The following DNAH11 variants were observed in gnomAD, a reference collection of about 807,000 sequenced individuals.
DNAH11 encodes dynein axonemal heavy chain 11.
Under a neutral mutation model 526.0 loss-of-function variants are expected in DNAH11, and 442 were observed. The ratio of observed to expected loss-of-function variants is 0.84; its 90% CI spans 0.78 to 0.91. The LOEUF (loss-of-function observed/expected upper bound fraction) is 0.91, where lower values mean the gene tolerates loss of function less well. DNAH11 is among the 40% of genes least tolerant of loss of function. DNAH11 has a pLI of 0.00. For synonymous variants in DNAH11, 2,461 were observed against 1,935.9 expected (o/e 1.27, Z -7.12); for missense variants, 6,989 against 5,448.7 (o/e 1.28, Z -8.90).
At chr7:21,839,587 A>AG (rs1554287143) in intron 65 of DNAH11, among the ~76,000 whole-genome samples, 141 of 150,762 alleles carry the variant, frequency 9.4e-4, no homozygotes, top group African/African-American at 2.1e-3. Context: ...AAAAAAAAAA[A>AG]GGGGACGTAT....
rs371022970 is a variant in DNAH11, at chr7:21,894,806, G to A, written c.12933+1G>A. On this transcript the variant is annotated splice_donor_variant, in intron 78 of 81. Transcript: ENST00000409508. LOFTEE classifies it high-confidence loss of function. The stretch of plus-strand genomic sequence containing the variant: ...TGAACAACTGGACCTTAGTTTGAAG[G>A]TAAGCTTAAAGTGAGGCTATAGTAG... 1.9e-5 allele frequency: 30 copies of A among 1,608,604 alleles called. No homozygotes were observed. The highest frequency in any genetic ancestry group is 2.5e-5 in the Non-Finnish European group (30 of 1,176,736).
At chr7:21,705,612 T>C (rs1373363934) in intron 39 of DNAH11, 75 bp downstream of exon 39, 1 of 1,449,500 alleles carries the variant, frequency 6.9e-7, no homozygotes, top group African/African-American at 1.4e-5. Context: ...CTATTTTCAA[T>C]GCTACTCAAA....
At chr7:21,620,303 AC>A (rs1256109584) in intron 25 of DNAH11, among the ~76,000 whole-genome samples, 1 of 152,096 alleles carries the variant, frequency 6.6e-6, no homozygotes, top group African/African-American at 2.4e-5. Flanking sequence ...TATTGTAGTC[AC>A]CAACTGTGCA....
chr7:21,775,270 A>G (rs74418216), intron 56 of DNAH11, among the ~76,000 whole-genome samples: 10,591 of 152,166 alleles, frequency 0.07, 423 homozygotes, highest in East Asian at 0.14. Context: ...AGTTTCTAGG[A>G]AACCCACAAA....
intron 45 of DNAH11, among the ~76,000 whole-genome samples, chr7:21,733,383 C>T (rs1785467631): frequency 6.6e-6 from 1 of 151,900 alleles, no homozygotes; most frequent in African/African-American, 2.4e-5. Context: ...AGCGAGACTC[C>T]ATCTCAAAAA....
rs1015246007 is a variant in DNAH11 at position 21,816,447 on chromosome 7, A to G, written c.10333-20A>G. On this transcript the variant is annotated intron_variant, in intron 63 of 81. Transcript: ENST00000409508. Reference sequence around the variant, plus strand: ...CTCTGCCACATGACCAATTTGTTGCATTCAACTCTGATTTTAAAGGTTTCC... The same window carrying G: ...CTCTGCCACATGACCAATTTGTTGCGTTCAACTCTGATTTTAAAGGTTTCC... The G allele has an allele frequency of 6.4e-7, 1 of 1,570,928 alleles. No homozygotes were observed. Among genetic ancestry groups the G allele is most frequent in the Middle Eastern group, 1.7e-4 (1 of 5,998 alleles).
rs539914470 is a variant in DNAH11, at chr7:21,849,823, T to A, written c.10897-2644T>A. ...TTGGCATTTATCCTGCTTAATGTTC[T>A]ATGGGTGTCCTGGATCTTTGGTTTG... On this transcript the variant is annotated intron_variant, in intron 66 of 81. Transcript: ENST00000409508. 3.3e-5 allele frequency among the ~76,000 whole-genome samples: 5 copies of A among 152,316 alleles called. No individual in the cohort carries two copies. In the South Asian group the frequency reaches 8.3e-4, roughly 25 times the overall value.
chr7:21,699,225 G>T (rs1783966376), intron 36 of DNAH11, among the ~76,000 whole-genome samples: 1 of 152,076 alleles, frequency 6.6e-6, no homozygotes, highest in African/African-American at 2.4e-5. Flanking sequence ...AGGTAGGGTT[G>T]ACTGGTTTTT....
chr7:21,566,582 A>G (rs1583486764), intron 6 of DNAH11, among the ~76,000 whole-genome samples: 1 of 146,598 alleles, frequency 6.8e-6, no homozygotes, highest in East Asian at 2.0e-4. Context: ...CGTAGGTATT[A>G]TTAGTAGCTT....
intron 30 of DNAH11, among the ~76,000 whole-genome samples, chr7:21,679,141 C>T (rs968884708): frequency 6.6e-6 from 1 of 151,504 alleles, no homozygotes; most frequent in Admixed American, 6.6e-5. Context: ...AAGCTAAACA[C>T]AGAAAGACAA....
At chr7:21,888,269 G>A (rs561650256) in intron 76 of DNAH11, among the ~76,000 whole-genome samples, 316 of 152,280 alleles carry the variant, frequency 2.1e-3, no homozygotes, top group Admixed American at 4.2e-3. Context: ...AAGGCCAAGG[G>A]CAAATGCATT....
At chr7:21,604,483 G>C in intron 18 of DNAH11, among the ~76,000 whole-genome samples, 1 of 152,010 alleles carries the variant, frequency 6.6e-6, no homozygotes, top group Non-Finnish European at 1.5e-5. Flanking sequence ...CCCGAATGCT[G>C]TCCAGTTTCC....
intron 56 of DNAH11, among the ~76,000 whole-genome samples, chr7:21,778,108 C>G (rs1562539997): frequency 6.6e-6 from 1 of 152,108 alleles, no homozygotes; most frequent in Non-Finnish European, 1.5e-5. Context: ...TAGTACCTCA[C>G]TTCTGCTTTT....
At chr7:21,647,574 C>A (rs764392184) in intron 28 of DNAH11, among the ~76,000 whole-genome samples, 1 of 151,782 alleles carries the variant, frequency 6.6e-6, no homozygotes, top group Non-Finnish European at 1.5e-5. Flanking sequence ...GGACTACAGG[C>A]GCCTACCACC....
intron 66 of DNAH11, among the ~76,000 whole-genome samples, chr7:21,843,936 G>C (rs1782314559): frequency 6.6e-6 from 1 of 152,200 alleles, no homozygotes; most frequent in Non-Finnish European, 1.5e-5. Flanking sequence ...TTATATTTCA[G>C]ATGTTAGAGA....
At chr7:21,852,699 G>T in intron 67 of DNAH11, 68 bp downstream of exon 67, 1 of 1,478,896 alleles carries the variant, frequency 6.8e-7, no homozygotes, top group Non-Finnish European at 9.0e-7. Flanking sequence ...GGGGTGGGCA[G>T]TGTGATCAGA....
At position 21,892,294 on chromosome 7, in the gene DNAH11, G is replaced by A. The variant is rs186004229; in HGVS notation, c.12508-131G>A. On this transcript the variant is annotated intron_variant, in intron 76 of 81. Coordinates refer to ENST00000409508, the MANE Select transcript of DNAH11 (RefSeq NM_001277115.2). Reference sequence around the variant, plus strand: ...GAGCAAAATTGTTGATTATAAAACAGTTTAGGGAGCCTGCTACCCAGACAG... The same window carrying A: ...GAGCAAAATTGTTGATTATAAAACAATTTAGGGAGCCTGCTACCCAGACAG... The A allele has an allele frequency of 6.5e-3, 8,727 of 1,335,554 alleles. 38 individuals are homozygous for A. The highest frequency in any genetic ancestry group is 7.5e-3 in the Non-Finnish European group (7,369 of 984,210). 82.7% of individuals were successfully genotyped at this position (1,335,554 alleles called of 1,614,324 possible).
chr7:21,890,397 T>G (rs1784289403), intron 76 of DNAH11, among the ~76,000 whole-genome samples: 1 of 152,214 alleles, frequency 6.6e-6, no homozygotes, highest in African/African-American at 2.4e-5. Context: ...GAGCACGCAT[T>G]CAAACAAATG....
intron 30 of DNAH11, among the ~76,000 whole-genome samples, chr7:21,679,758 G>C (rs565483286): frequency 5.3e-5 from 8 of 152,294 alleles, no homozygotes; most frequent in African/African-American, 1.9e-4. Context: ...TCTGAAGTCA[G>C]ACTGTTGGGA....
Sources: gnomAD v4.1 joint callset for allele counts (sites outside exome capture counted in the v4.1 genomes callset) on GRCh38, gnomAD v4.1.1 for gene constraint, MANE v1.5 for transcripts, NCBI Gene and HGNC (gene_info 2026-07-23, HGNC 2026-07-21) for gene names.